The following TRAPPC10 variants were observed in gnomAD, a reference collection of about 807,000 sequenced individuals.
The protein encoded by TRAPPC10 is TRAPP 130 kDa subunit.
Under a neutral mutation model 125.5 loss-of-function variants are expected in TRAPPC10, and 23 were observed. The ratio of observed to expected loss-of-function variants is 0.18; its 90% CI spans 0.13 to 0.26. The LOEUF is 0.26. Ranked by LOEUF, TRAPPC10 falls within the 10% of genes least tolerant of loss-of-function variation. The pLI is 1.00. For synonymous variants in TRAPPC10, 509 were observed against 518.0 expected (o/e 0.98, Z 0.24); for missense variants, 1,123 against 1,308.4 (o/e 0.86, Z 2.19).
rs139130482 is a variant in TRAPPC10 at position 44,053,017 on chromosome 21, C to G, written c.482+541C>G. Reference sequence around the variant, plus strand: ...CCCTTTCTCTTCAGTGATGCCATTGCCAGCTGAGCCAGCCAGCACGTTAAC... The same window carrying G: ...CCCTTTCTCTTCAGTGATGCCATTGGCAGCTGAGCCAGCCAGCACGTTAAC... On this transcript the variant is annotated intron_variant, in intron 4 of 22. Coordinates refer to ENST00000291574, the MANE Select transcript of TRAPPC10 (RefSeq NM_003274.5). Among the ~76,000 whole-genome samples the G allele has an allele frequency of 3.7e-4, 57 of 152,094 alleles. 1 individual carries two copies. In the Middle Eastern group the frequency reaches 0.02, roughly 54 times the overall value.
chr21:44,086,402 A>G (rs2038136703), intron 15 of TRAPPC10, among the ~76,000 whole-genome samples: 2 of 152,200 alleles, frequency 1.3e-5, no homozygotes, highest in Non-Finnish European at 2.9e-5. Context: ...AAGGTTTTGA[A>G]TATTTGAGCA....
At chr21:44,094,293 CT>C in intron 20 of TRAPPC10, 60 bp downstream of exon 20, 1 of 1,466,412 alleles carries the variant, frequency 6.8e-7, no homozygotes. Context: ...GCATTATGTT[CT>C]TTATAATCTG....
Position 44,059,684 on chromosome 21 carries a change from C to A in TRAPPC10, c.790+470C>A. ...AGCTCCTTTACAATTAAAGAATTAGCACAGTGAAACCATACACAGAGAGAA... is the reference window on the plus strand; with the variant it reads ...AGCTCCTTTACAATTAAAGAATTAGAACAGTGAAACCATACACAGAGAGAA... On this transcript the variant is annotated intron_variant, in intron 6 of 22. Coordinates refer to ENST00000291574, the MANE Select transcript of TRAPPC10 (RefSeq NM_003274.5). This position sits in a 1 kb window ranked among gnomAD's most constrained non-coding sequence, Gnocchi z 4.4. The A allele has an allele frequency of 1.8e-6, 1 of 544,254 alleles. No homozygotes were observed. Among genetic ancestry groups the A allele is most frequent in the South Asian group, 3.0e-5 (1 of 33,876 alleles). 33.7% of individuals were successfully genotyped at this position (544,254 alleles called of 1,614,324 possible).
At chr21:44,052,571 C>G (rs2145838257) in intron 4 of TRAPPC10, 95 bp downstream of exon 4, 6 of 1,202,882 alleles carry the variant, frequency 5.0e-6, no homozygotes, top group Non-Finnish European at 6.9e-6. Context: ...ACTCAGCAAT[C>G]TCGAGTGAGT....
At chr21:44,036,345 C>T (rs1396335626) in intron 2 of TRAPPC10, among the ~76,000 whole-genome samples, 1 of 152,242 alleles carries the variant, frequency 6.6e-6, no homozygotes, top group South Asian at 2.1e-4. Flanking sequence ...TTCACAGTGT[C>T]ATCAAGAGGG....
chr21:44,028,052 G>C (rs1306340932), intron 1 of TRAPPC10, among the ~76,000 whole-genome samples: 1 of 152,164 alleles, frequency 6.6e-6, no homozygotes, highest in Non-Finnish European at 1.5e-5. Flanking sequence ...AATGTTACCT[G>C]TTACACTAAA....
At position 44,052,487 on chromosome 21, in the gene TRAPPC10, C is replaced by G. The variant is rs748479298; in HGVS notation, c.482+11C>G. 4 of 1,586,578 alleles carry G rather than the reference C, an allele frequency of 2.5e-6. No individual in the cohort carries two copies. The highest frequency in any genetic ancestry group is 3.4e-6 in the Non-Finnish European group (4 of 1,169,266). The stretch of plus-strand genomic sequence containing the variant: ...TAAACAGAGTGACAGGTAAGTGTAT[C>G]TTTAATTTTACCTCATTTGGTTAAT... On this transcript the variant is annotated intron_variant, in intron 4 of 22. Coordinates refer to ENST00000291574, the MANE Select transcript of TRAPPC10 (RefSeq NM_003274.5).
intron 2 of TRAPPC10, among the ~76,000 whole-genome samples, chr21:44,034,959 T>G (rs1674455422): frequency 6.6e-6 from 1 of 152,198 alleles, no homozygotes; most frequent in Non-Finnish European, 1.5e-5. Flanking sequence ...ATTTCAACTT[T>G]CTGGCCTCAT....
Position 44,068,575 on chromosome 21 carries a change from C to T in TRAPPC10, c.1038+4790C>T, listed in dbSNP as rs138826579. ...TTCTGCCATAGTCCAAGGGAAAAGA[C>T]GGAGTTCCAAAAGGCAGTTGAGGTA... On this transcript the variant is annotated intron_variant, in intron 7 of 22. Transcript: ENST00000291574. Among the ~76,000 whole-genome samples, 49 of 152,224 alleles carry T rather than the reference C, an allele frequency of 3.2e-4. No homozygotes were observed. In the East Asian group the frequency reaches 7.5e-3, roughly 23 times the overall value.
rs1310202260 is a variant in TRAPPC10, at chr21:44,087,408, GGAACGGGA to G, written c.2540-287_2540-280del. 6.6e-6 allele frequency among the ~76,000 whole-genome samples: 1 copy of G among 152,036 alleles called. No homozygotes were observed. The highest frequency in any genetic ancestry group is 1.5e-5 in the Non-Finnish European group (1 of 67,996). On this transcript the variant is annotated intron_variant, in intron 16 of 22. Transcript: ENST00000291574. This position sits in a 1 kb window ranked among gnomAD's most constrained non-coding sequence, Gnocchi z 4.6. ...GTGGGGGTGGATCTGCGGATGAGCT[GGAACGGGA>G]GAAAGTCATGCAGGGACCTACACAG...
intron 14 of TRAPPC10, 113 bp downstream of exon 14, chr21:44,083,415 C>A: frequency 8.1e-7 from 1 of 1,234,962 alleles, no homozygotes; most frequent in Non-Finnish European, 1.1e-6. Context: ...GTTCTCCTAA[C>A]CCTGTTTTTG....
rs763801632 is a variant in TRAPPC10 at position 44,077,736 on chromosome 21, G to A, written c.1421G>A (p.Arg474Lys). The change falls in exon 11 of 23, where the codon AGG becomes AAG. Residue 474 changes from arginine (R) to lysine (K), a missense_variant. By Grantham distance (26) the Arg-to-Lys change is conservative. Coordinates refer to ENST00000291574, the MANE Select transcript of TRAPPC10 (RefSeq NM_003274.5). ...ATIEMYTSIG[R>K]IRSAKFVGKD... Reference sequence around the variant, plus strand: ...ATTGAAATGTATACAAGCATTGGGAGGATTCGATCTGCTAAGTTTGTTGGA... The same window carrying A: ...ATTGAAATGTATACAAGCATTGGGAAGATTCGATCTGCTAAGTTTGTTGGA... 1 of 1,610,814 alleles carries A rather than the reference G, an allele frequency of 6.2e-7. No individual in the cohort carries two copies. The highest frequency in any genetic ancestry group is 1.3e-5 in the African/African-American group (1 of 74,998).
At chr21:44,051,306 A>G (rs1194297115) in intron 3 of TRAPPC10, among the ~76,000 whole-genome samples, 4 of 152,242 alleles carry the variant, frequency 2.6e-5, no homozygotes, top group East Asian at 1.9e-4. Flanking sequence ...AGGGCAGGAC[A>G]GTGAGGAACT....
chr21:44,072,623 C>G (rs2036962689), intron 7 of TRAPPC10, among the ~76,000 whole-genome samples: 2 of 152,214 alleles, frequency 1.3e-5, no homozygotes, highest in East Asian at 3.9e-4. Context: ...GCCACCACAC[C>G]CGGCTAATTT....
chr21:44,091,024 C>G (rs1234426980), intron 18 of TRAPPC10, among the ~76,000 whole-genome samples: 1 of 152,020 alleles, frequency 6.6e-6, no homozygotes, highest in Non-Finnish European at 1.5e-5. Context: ...AACCCCGTCT[C>G]TACTAAAAAT....
At chr21:44,062,923 T>A (rs1445689095) in intron 6 of TRAPPC10, 1 of 1,253,932 alleles carries the variant, frequency 8.0e-7, no homozygotes, top group African/African-American at 1.6e-5. Flanking sequence ...TTGTTATGCT[T>A]ATTTTAAGAT....
intron 2 of TRAPPC10, 72 bp downstream of exon 2, chr21:44,032,244 G>T: frequency 7.9e-7 from 1 of 1,262,526 alleles, no homozygotes; most frequent in Non-Finnish European, 1.1e-6. Context: ...TTTTAAATAA[G>T]TATATGTTGT....
chr21:44,066,692 T>C (rs1218144386), intron 7 of TRAPPC10, among the ~76,000 whole-genome samples: 1 of 152,214 alleles, frequency 6.6e-6, no homozygotes, highest in African/African-American at 2.4e-5. Flanking sequence ...GAACTGCAGT[T>C]ATTTCCTTGC....
In TRAPPC10 at chr21:44,077,745, C is replaced by G. The variant is rs2037392439; in HGVS notation, c.1430C>G (p.Ser477Cys). 6.2e-7 allele frequency: 1 copy of G among 1,611,012 alleles called. No homozygotes were observed. Among genetic ancestry groups the G allele is most frequent in the African/African-American group, 1.3e-5 (1 of 74,904 alleles). Residue 477 changes from serine (S) to cysteine (C), a missense_variant, in exon 11 of 23, where the codon TCT becomes TGT. By Grantham distance (112) the Ser-to-Cys change is moderately radical. This residue lies in a region of TRAPPC10 where 840 missense variants were observed against 902.0 expected (regional missense o/e 0.93). Coordinates refer to ENST00000291574, the MANE Select transcript of TRAPPC10 (RefSeq NM_003274.5). ...EMYTSIGRIR[S>C]AKFVGKDLAE... Reference sequence around the variant, plus strand: ...TATACAAGCATTGGGAGGATTCGATCTGCTAAGTTTGTTGGAAAAGATCTG... The same window carrying G: ...TATACAAGCATTGGGAGGATTCGATGTGCTAAGTTTGTTGGAAAAGATCTG...
Sources: allele counts gnomAD v4.1 joint callset (sites outside exome capture counted in the v4.1 genomes callset), GRCh38; gene constraint gnomAD v4.1.1; regional missense constraint gnomAD v4.1.1; non-coding constraint Gnocchi (gnomAD v3.1); transcripts MANE v1.5; gene names NCBI Gene and HGNC (gene_info 2026-07-23, HGNC 2026-07-21).